Variants in NFS1 observed in about 807,000 individuals in gnomAD.
The protein encoded by NFS1 is cysteine desulfurase.
Under a neutral mutation model 57.3 loss-of-function variants are expected in NFS1, and 26 were observed. The ratio of observed to expected loss-of-function variants is 0.45; its 90% CI spans 0.33 to 0.63. The LOEUF (loss-of-function observed/expected upper bound fraction) is 0.63, where lower values mean the gene tolerates loss of function less well. Ranked by LOEUF, NFS1 falls within the 20% of genes least tolerant of loss-of-function variation. The pLI is 0.02. For missense variants in NFS1, 505 were observed against 605.8 expected, an observed-to-expected ratio of 0.83 and a Z score of 1.75; for synonymous variants, 209 against 216.3, an observed-to-expected ratio of 0.97 and a Z score of 0.30.
chr20:35,687,592 C>T (rs559251149), intron 5 of NFS1, among the ~76,000 whole-genome samples: 47 of 152,318 alleles, frequency 3.1e-4, no homozygotes, highest in African/African-American at 1.1e-3. Flanking sequence ...GGGGCCACTA[C>T]CAGTCTCCGT....
At chr20:35,688,761 G>A (rs1294636299) in intron 5 of NFS1, among the ~76,000 whole-genome samples, 1 of 122,642 alleles carries the variant, frequency 8.2e-6, no homozygotes, top group Non-Finnish European at 1.8e-5. Context: ...GGAAAAGAGG[G>A]AGGGAGGGAA....
Position 35,698,873 on chromosome 20 carries a change from G to A in NFS1, c.98-283C>T, listed in dbSNP as rs184953814. The A allele has an allele frequency of 3.0e-6, 4 of 1,344,054 alleles. No individual in the cohort carries two copies. The African/African-American group carries it at 6.1e-5, about 21-fold the overall frequency. The allele number at this position is 1,344,054 out of a possible 1,614,324, so 83.3% of individuals were successfully genotyped here. On this transcript the variant is annotated intron_variant, in intron 1 of 12. Coordinates refer to ENST00000374092, the MANE Select transcript of NFS1 (RefSeq NM_021100.5). The stretch of plus-strand genomic sequence containing the variant: ...CAAAGACGTTTAGAAGGAACGTGGA[G>A]CCAGAGTAGGTGCAGTCCCTTCTGA...
intron 4 of NFS1, chr20:35,694,971 G>T (rs2035107930): frequency 6.6e-6 from 1 of 151,862 alleles, no homozygotes; most frequent in Non-Finnish European, 1.5e-5. Context: ...TCATTTAAAT[G>T]ACATTTCACC....
chr20:35,691,738 CAAAAAAAAAAAAAAA>C (rs60402350), intron 4 of NFS1, among the ~76,000 whole-genome samples: 4 of 18,150 alleles, frequency 2.2e-4, no homozygotes, highest in Non-Finnish European at 3.9e-4. Context: ...GACTGCATCT[CAAAAAAAAAAAAAAA>C]AAAAAAAAAA....
chr20:35,686,183 G>A (rs1264737851), intron 5 of NFS1, among the ~76,000 whole-genome samples: 2 of 151,164 alleles, frequency 1.3e-5, no homozygotes, highest in African/African-American at 2.4e-5. Context: ...TGGTCACCTC[G>A]GCCTCCAACT....
rs1747738323 is a variant in NFS1, at chr20:35,675,091, A to G, written c.902T>C (p.Val301Ala). The G allele has an allele frequency of 6.2e-7, 1 of 1,613,720 alleles. No homozygotes were observed. Residue 301 changes from valine to alanine, a missense_variant, in exon 8 of 13, where the codon GTG becomes GCG. Transcript: ENST00000374092. Reference protein sequence around the residue: ...MRSGTVPTPLVVGLGAACEVA... With the variant: ...MRSGTVPTPLAVGLGAACEVA... ...CTCACACGCAGCCCCCAGCCCCACC[A>G]CTAAGGGTGTGGGCACTGTCCCAGA...
intron 7 of NFS1, among the ~76,000 whole-genome samples, chr20:35,676,771 A>C (rs1319697769): frequency 4.0e-5 from 6 of 148,416 alleles, no homozygotes; most frequent in Admixed American, 2.0e-4. Flanking sequence ...AAAAAAAAAA[A>C]AAAAAAAAAA....
At chr20:35,671,438 G>C (rs1050039327) in intron 12 of NFS1, among the ~76,000 whole-genome samples, 2 of 152,182 alleles carry the variant, frequency 1.3e-5, no homozygotes, top group African/African-American at 2.4e-5. Context: ...AGGTGTGGGG[G>C]CACACAGCTG....
chr20:35,699,227 T>C lies in NFS1; in HGVS notation c.62A>G (p.Lys21Arg). ...AVAVTAAPGP[K>R]PAAPTRGLRL... Reference sequence around the variant, plus strand: ...CAGCCCCCGAGTGGGCGCCGCGGGCTTCGGCCCTGGAGCCGCTGTCACCGC... The same window carrying C: ...CAGCCCCCGAGTGGGCGCCGCGGGCCTCGGCCCTGGAGCCGCTGTCACCGC... The change falls in exon 1 of 13, where the codon AAG (lysine) becomes AGG (arginine). Residue 21 changes from lysine to arginine, a missense_variant. Physicochemically the swap from Lys to Arg is conservative, Grantham distance 26 (BLOSUM62 2). Coordinates refer to ENST00000374092, the MANE Select transcript of NFS1 (RefSeq NM_021100.5). The surrounding 1 kb of genome is among the most constrained non-coding windows in gnomAD (Gnocchi z 4.4). 5.6e-6 allele frequency: 8 copies of C among 1,430,712 alleles called. No individual in the cohort carries two copies. The highest frequency in any genetic ancestry group is 7.3e-6 in the Non-Finnish European group (8 of 1,101,078). 88.6% of individuals were successfully genotyped at this position (1,430,712 alleles called of 1,614,324 possible). A position where few individuals can be genotyped will look rare whatever the true frequency, so the allele number is the denominator to read the frequency against.
intron 10 of NFS1, chr20:35,673,885 A>G: frequency 3.9e-6 from 2 of 513,304 alleles, no homozygotes; most frequent in South Asian, 2.2e-5. Context: ...TCTGGCCCCC[A>G]TGGTGGATGA....
chr20:35,674,670 GAC>G, intron 8 of NFS1, 53 bp from the exon 9 acceptor site: 5 of 1,375,280 alleles, frequency 3.6e-6, no homozygotes, highest in Non-Finnish European at 5.2e-6. Flanking sequence ...AGCTCAGAAA[GAC>G]AGTTTGAGAA....
chr20:35,691,840 G>A lies in NFS1; in HGVS notation c.409-1275C>T, dbSNP rs573206793. Among the ~76,000 whole-genome samples the A allele has an allele frequency of 7.3e-5, 11 of 151,558 alleles. No homozygotes were observed. In the East Asian group the frequency reaches 2.1e-3, roughly 29 times the overall value. ...CTCAGGCAGGTGGATCACGAGGTCA[G>A]GAGTTTGAGACCAGCCTGACGAACA... is the stretch of plus-strand genomic sequence containing the variant. On this transcript the variant is annotated intron_variant, in intron 4 of 12. Transcript: ENST00000374092.
rs141257298 is a variant in NFS1 at position 35,698,522 on chromosome 20, G to A, written c.166C>T (p.Leu56=). The A allele has an allele frequency of 9.7e-4, 1,563 of 1,613,886 alleles. 16 individuals are homozygous for A. In the African/African-American group the frequency reaches 0.018, roughly 18 times the overall value. The part of the protein sequence containing the change: ...TAAAPEVGPV[L]RPLYMDVQAT... ...TGCACATCCATATAGAGAGGTCGCA[G>A]CACTGGCCCCACCTCCGGGGCAGCG... is the stretch of plus-strand genomic sequence containing the variant. Residue 56 remains leucine, a synonymous_variant, in exon 2 of 13, where the codon CTG becomes TTG. Coordinates refer to ENST00000374092, the MANE Select transcript of NFS1 (RefSeq NM_021100.5).
At chr20:35,680,045 C>G (rs988396831) in intron 7 of NFS1, among the ~76,000 whole-genome samples, 10 of 152,036 alleles carry the variant, frequency 6.6e-5, no homozygotes, top group African/African-American at 2.4e-4. Flanking sequence ...TGGCTCACAT[C>G]TATAATCCCA....
intron 5 of NFS1, 97 bp from the exon 6 acceptor site, chr20:35,682,078 T>G: frequency 1.6e-6 from 1 of 607,368 alleles, no homozygotes. Context: ...AGTCTTATAC[T>G]ACATACCTAT....
chr20:35,675,600 C>T (rs749326882), intron 7 of NFS1: 3 of 183,502 alleles, frequency 1.6e-5, no homozygotes, highest in African/African-American at 2.4e-5. Context: ...ATGAGGGGGC[C>T]GGGTGTGGTG....
In NFS1 at chr20:35,699,140, C is replaced by T; in HGVS notation, c.97+52G>A. ...GGCTCCGGAATATTCAGTTGCGTCG[C>T]CGCGCGGAGGGGACAGGTCCGCGCC... On this transcript the variant is annotated intron_variant, in intron 1 of 12. Transcript: ENST00000374092. This position sits in a 1 kb window ranked among gnomAD's most constrained non-coding sequence, Gnocchi z 4.4. 1 of 1,371,748 alleles carries T rather than the reference C, an allele frequency of 7.3e-7. No homozygotes were observed. The highest frequency in any genetic ancestry group is 9.3e-7 in the Non-Finnish European group (1 of 1,069,790). 85.0% of individuals were successfully genotyped at this position (1,371,748 alleles called of 1,614,324 possible).
chr20:35,696,576 C>T (rs1019664547), intron 3 of NFS1, 116 bp from the exon 4 acceptor site: 6 of 723,486 alleles, frequency 8.3e-6, no homozygotes, highest in Non-Finnish European at 1.2e-5. Context: ...CACCAAATTG[C>T]CCTGGATGAA....
intron 12 of NFS1, among the ~76,000 whole-genome samples, chr20:35,671,318 G>A (rs528593288): frequency 2.4e-4 from 37 of 152,290 alleles, no homozygotes; most frequent in Middle Eastern, 3.4e-3. Flanking sequence ...AGCCAGGATG[G>A]TCTTGATCTC....
Sources: gnomAD v4.1 joint callset for allele counts (sites outside exome capture counted in the v4.1 genomes callset) on GRCh38, gnomAD v4.1.1 for gene constraint, Gnocchi (gnomAD v3.1) non-coding constraint, MANE v1.5 for transcripts, NCBI Gene and HGNC (gene_info 2026-07-23, HGNC 2026-07-21) for gene names.